SLC9A7: variants seen among roughly 807,000 people sequenced by gnomAD.
SLC9A7 encodes the protein solute carrier family 9 member A7, also known as sodium/hydrogen exchanger 7.
A neutral mutation model predicts 52.6 loss-of-function variants in SLC9A7; 19 were observed. The ratio of observed to expected loss-of-function variants is 0.36; its 90% CI spans 0.25 to 0.53. The LOEUF is 0.53. Among genes scored for constraint, SLC9A7 ranks in the 20% least tolerant of loss-of-function variants. SLC9A7 has a pLI of 0.91. For missense variants in SLC9A7, 455 were observed against 597.9 expected, an observed-to-expected ratio of 0.76 and a Z score of 2.49; for synonymous variants, 226 against 252.1, an observed-to-expected ratio of 0.90 and a Z score of 0.98.
At chrX:46,620,856 T>C in intron 15 of SLC9A7, 121 bp downstream of exon 15, 3 of 490,378 alleles carry the variant, frequency 6.1e-6, no homozygotes, top group Non-Finnish European at 1.0e-5. Flanking sequence ...CATAAGAGGA[T>C]GGGCTATCCC....
chrX:46,615,659 C>T (rs1441958646), intron 15 of SLC9A7, among the ~76,000 whole-genome samples: 1 of 103,268 alleles, frequency 9.7e-6, no homozygotes, highest in Non-Finnish European at 2.0e-5. Flanking sequence ...TATACATATA[C>T]ATATATATAT....
chrX:46,646,120 G>T (rs1222570452), intron 11 of SLC9A7, among the ~76,000 whole-genome samples: 1 of 110,402 alleles, frequency 9.1e-6, no homozygotes, highest in East Asian at 2.8e-4. Flanking sequence ...ACATCACCAT[G>T]CAGGTTACAT....
intron 3 of SLC9A7, among the ~76,000 whole-genome samples, chrX:46,675,821 C>A: frequency 8.9e-6 from 1 of 112,408 alleles, no homozygotes; most frequent in Middle Eastern, 4.6e-3. Flanking sequence ...TTTCCCCACT[C>A]AGTCTATCAG....
chrX:46,674,247 A>G (rs1428261140), intron 3 of SLC9A7, among the ~76,000 whole-genome samples: 1 of 112,019 alleles, frequency 8.9e-6, no homozygotes, highest in Non-Finnish European at 1.9e-5. Context: ...GACATTAGCC[A>G]AAGCAAAAAA....
intron 1 of SLC9A7, among the ~76,000 whole-genome samples, chrX:46,693,933 G>A (rs758564714): frequency 1.8e-5 from 2 of 109,930 alleles, no homozygotes; most frequent in African/African-American, 3.3e-5. Context: ...TATCCTAAGC[G>A]AATTAAGGCA....
intron 16 of SLC9A7, among the ~76,000 whole-genome samples, chrX:46,608,736 C>T (rs1012746476): frequency 2.7e-5 from 3 of 111,791 alleles, no homozygotes; most frequent in Middle Eastern, 4.7e-3. Context: ...ACCTCCACCT[C>T]CCAGGTTCAA....
intron 14 of SLC9A7, among the ~76,000 whole-genome samples, chrX:46,622,822 C>T (rs1331931323): frequency 8.9e-6 from 1 of 112,016 alleles, no homozygotes; most frequent in Non-Finnish European, 1.9e-5. Context: ...AATGGTTTGA[C>T]AGCAAACTAA....
At chrX:46,637,305 T>C (rs1943336618) in intron 12 of SLC9A7, among the ~76,000 whole-genome samples, 1 of 112,206 alleles carries the variant, frequency 8.9e-6, no homozygotes, top group Non-Finnish European at 1.9e-5. Context: ...GCCTCAGCTC[T>C]TCCTCTTATA....
intron 5 of SLC9A7, among the ~76,000 whole-genome samples, chrX:46,668,389 A>G (rs111646350): frequency 3.5e-3 from 386 of 111,384 alleles, no homozygotes; most frequent in African/African-American, 0.012. Flanking sequence ...GTGCATGCCT[A>G]TAATCCCAGG....
chrX:46,629,239 T>C (rs1943184594), intron 14 of SLC9A7, among the ~76,000 whole-genome samples: 1 of 111,354 alleles, frequency 9.0e-6, no homozygotes, highest in Admixed American at 9.5e-5. Flanking sequence ...ACATGTGCGG[T>C]GCTCTCAGCC....
chrX:46,747,169 G>A (rs376647544), intron 1 of SLC9A7, among the ~76,000 whole-genome samples: 1 of 112,035 alleles, frequency 8.9e-6, no homozygotes. Context: ...AAGAGAAAGT[G>A]ATTAATGAGT....
At chrX:46,652,210 G>T (rs1176586333) in intron 8 of SLC9A7, among the ~76,000 whole-genome samples, 1 of 111,592 alleles carries the variant, frequency 9.0e-6, no homozygotes, top group Non-Finnish European at 1.9e-5. Context: ...GACGGCAGTG[G>T]CATGATCTCG....
chrX:46,690,355 T>C (rs145247208), intron 1 of SLC9A7, among the ~76,000 whole-genome samples: 169 of 112,624 alleles, frequency 1.5e-3, no homozygotes, highest in African/African-American at 5.1e-3. Flanking sequence ...GAATATCTTT[T>C]TGTGTACTTA....
At chrX:46,661,288 G>C (rs1482118318) in intron 7 of SLC9A7, among the ~76,000 whole-genome samples, 5 of 109,715 alleles carry the variant, frequency 4.6e-5, no homozygotes, top group Non-Finnish European at 7.6e-5. Context: ...CGAGTTAGTG[G>C]GTGCAGCGCA....
intron 8 of SLC9A7, 88 bp from the exon 9 acceptor site, chrX:46,651,492 G>A: frequency 5.4e-6 from 4 of 744,421 alleles, no homozygotes; most frequent in Non-Finnish European, 8.0e-6. Context: ...AGTTAAGGTA[G>A]GCAAGCCTAG....
At chrX:46,749,297 A>G (rs1922062513) in intron 1 of SLC9A7, among the ~76,000 whole-genome samples, 1 of 112,276 alleles carries the variant, frequency 8.9e-6, no homozygotes, top group African/African-American at 3.2e-5. Context: ...GGTGTCAGGC[A>G]CTGTTCTAGG....
chrX:46,648,683 T>C lies in SLC9A7; in HGVS notation c.1462+3A>G. ...CATTTTCTTTACACTTACGCCTTTTTACCTGAAAACATCATCATGTGTTGA... is the reference window on the plus strand; with the variant it reads ...CATTTTCTTTACACTTACGCCTTTTCACCTGAAAACATCATCATGTGTTGA... On this transcript the variant is annotated splice_donor_region_variant and intron_variant, in intron 11 of 16. Transcript: ENST00000616978. The C allele has an allele frequency of 8.4e-7, 1 of 1,186,092 alleles. No homozygotes were observed. Among genetic ancestry groups the C allele is most frequent in the Non-Finnish European group, 1.1e-6 (1 of 872,363 alleles).
intron 1 of SLC9A7, among the ~76,000 whole-genome samples, chrX:46,738,099 GAAAGAAAGAGAAA>G (rs1280276976): frequency 6.0e-4 from 29 of 48,117 alleles, no homozygotes; most frequent in Non-Finnish European, 8.4e-4. Context: ...AAGAAAGAAA[GAAAGAAAGAGAAA>G]AGAAAAGAAA....
At chrX:46,692,580 C>A (rs1944395696) in intron 1 of SLC9A7, among the ~76,000 whole-genome samples, 1 of 111,599 alleles carries the variant, frequency 9.0e-6, no homozygotes, top group African/African-American at 3.3e-5. Flanking sequence ...GCAGACAGGT[C>A]TTATACTGTG....
Sources: allele counts gnomAD v4.1 joint callset (sites outside exome capture counted in the v4.1 genomes callset), GRCh38; gene constraint gnomAD v4.1.1; transcripts MANE v1.5; gene names NCBI Gene and HGNC (gene_info 2026-07-23, HGNC 2026-07-21).